ARHGAP6: variants seen among roughly 807,000 people sequenced by gnomAD.
ARHGAP6 encodes the protein Rho GTPase activating protein 6.
A neutral mutation model predicts 55.7 loss-of-function variants in ARHGAP6; 16 were observed. The observed-to-expected ratio is 0.29, with a 90% confidence interval of 0.19 to 0.44. The LOEUF is 0.44. ARHGAP6 is among the 20% of genes least tolerant of loss of function. The probability of loss-of-function intolerance (pLI) is 1.00; values close to 1 mark genes in which losing one functional copy is unlikely to be tolerated. For missense variants in ARHGAP6, 698 were observed against 808.9 expected, an observed-to-expected ratio of 0.86 and a Z score of 1.66; for synonymous variants, 382 against 360.9, an observed-to-expected ratio of 1.06 and a Z score of -0.66.
intron 1 of ARHGAP6, among the ~76,000 whole-genome samples, chrX:11,364,472 C>A (rs1206191048): frequency 1.8e-5 from 2 of 110,901 alleles, no homozygotes; most frequent in Admixed American, 1.9e-4. Context: ...CAGTGATTTC[C>A]CCTTCCCTCC....
chrX:11,315,625 A>G (rs1048313643), intron 1 of ARHGAP6, among the ~76,000 whole-genome samples: 3 of 112,053 alleles, frequency 2.7e-5, no homozygotes, highest in African/African-American at 9.7e-5. Flanking sequence ...AGATACCCAA[A>G]TTCCAGAATT....
intron 2 of ARHGAP6, among the ~76,000 whole-genome samples, chrX:11,241,711 A>G (rs886575744): frequency 9.0e-6 from 1 of 111,716 alleles, no homozygotes; most frequent in Non-Finnish European, 1.9e-5. Flanking sequence ...AGACAAAGGC[A>G]GATAGGAACA....
chrX:11,498,746 A>T (rs183345294), intron 1 of ARHGAP6, among the ~76,000 whole-genome samples: 2 of 110,972 alleles, frequency 1.8e-5, no homozygotes, highest in African/African-American at 6.5e-5. Context: ...AAGGGAATTT[A>T]AAAAAAAATA....
At chrX:11,491,564 T>C (rs915596122) in intron 1 of ARHGAP6, among the ~76,000 whole-genome samples, 1 of 112,282 alleles carries the variant, frequency 8.9e-6, no homozygotes, top group African/African-American at 3.2e-5. Flanking sequence ...TGTGGCTGCA[T>C]AGTATTCCAT....
At chrX:11,306,523 T>C (rs1214578533) in intron 1 of ARHGAP6, among the ~76,000 whole-genome samples, 1 of 112,577 alleles carries the variant, frequency 8.9e-6, no homozygotes, top group Non-Finnish European at 1.9e-5. Context: ...GCACATGACA[T>C]GTATTAGCTC....
At chrX:11,350,209 C>T (rs967407973) in intron 1 of ARHGAP6, among the ~76,000 whole-genome samples, 5 of 111,756 alleles carry the variant, frequency 4.5e-5, no homozygotes, top group African/African-American at 1.6e-4. Context: ...ATCCTGTATG[C>T]TCAGTTTCAC....
chrX:11,577,690 G>A (rs1215344242), intron 1 of ARHGAP6, among the ~76,000 whole-genome samples: 3 of 111,678 alleles, frequency 2.7e-5, no homozygotes, highest in Non-Finnish European at 5.6e-5. Flanking sequence ...AGAGCAACTA[G>A]AGGCCCAGAA....
intron 1 of ARHGAP6, among the ~76,000 whole-genome samples, chrX:11,271,637 G>A (rs1369432099): frequency 9.0e-6 from 1 of 111,706 alleles, no homozygotes; most frequent in Non-Finnish European, 1.9e-5. Flanking sequence ...TGTGGACAAT[G>A]AGCCTCTCGG....
At chrX:11,495,828 A>G (rs1332628505) in intron 1 of ARHGAP6, among the ~76,000 whole-genome samples, 1 of 112,581 alleles carries the variant, frequency 8.9e-6, no homozygotes, top group Non-Finnish European at 1.9e-5. Flanking sequence ...CAGAATTGTA[A>G]CTTTTGTCTT....
At chrX:11,411,183 T>TTTTATATATATA (rs1196355643) in intron 1 of ARHGAP6, among the ~76,000 whole-genome samples, 34 of 31,789 alleles carry the variant, frequency 1.1e-3, no homozygotes, top group African/African-American at 2.9e-3. Context: ...CAGACATTAT[T>TTTTATATATATA]TATATATATA....
At chrX:11,272,318 C>T (rs1421732504) in intron 1 of ARHGAP6, among the ~76,000 whole-genome samples, 1 of 111,377 alleles carries the variant, frequency 9.0e-6, no homozygotes, top group Non-Finnish European at 1.9e-5. Context: ...ATTTATAAAG[C>T]TTTCCCCAAA....
At chrX:11,475,006 A>G (rs2050389481) in intron 1 of ARHGAP6, among the ~76,000 whole-genome samples, 1 of 111,231 alleles carries the variant, frequency 9.0e-6, no homozygotes, top group Non-Finnish European at 1.9e-5. Flanking sequence ...TGCCAGTACC[A>G]TAGTACTTTT....
intron 1 of ARHGAP6, among the ~76,000 whole-genome samples, chrX:11,369,884 A>G (rs1051486189): frequency 8.9e-6 from 1 of 112,632 alleles, no homozygotes; most frequent in African/African-American, 3.2e-5. Flanking sequence ...TGCCTTAAAA[A>G]TGGACACTGG....
Position 11,437,039 on chromosome X carries a change from T to C in ARHGAP6, c.589-182332A>G, listed in dbSNP as rs1464030575. ...TGAATGACTTGTATGGCATGTGAAT[T>C]TTACCTCCATAAAGTAGAAGGAAGG... On this transcript the variant is annotated intron_variant, in intron 1 of 12. Coordinates refer to ENST00000337414, the MANE Select transcript of ARHGAP6 (RefSeq NM_013427.3). Among the ~76,000 whole-genome samples the C allele has an allele frequency of 2.7e-5, 3 of 110,459 alleles. No individual in the cohort carries two copies. The East Asian group carries it at 8.5e-4, about 31-fold the overall frequency.
At chrX:11,506,357 A>G (rs1477288733) in intron 1 of ARHGAP6, among the ~76,000 whole-genome samples, 1 of 110,596 alleles carries the variant, frequency 9.0e-6, no homozygotes, top group Non-Finnish European at 1.9e-5. Flanking sequence ...TATCACCTAC[A>G]TTAGGTATTT....
chrX:11,195,020 T>C (rs1722197735), intron 3 of ARHGAP6, among the ~76,000 whole-genome samples: 1 of 112,116 alleles, frequency 8.9e-6, no homozygotes, highest in Non-Finnish European at 1.9e-5. Flanking sequence ...AATAAATGCA[T>C]ACAACCATAC....
At chrX:11,403,172 A>C (rs1268413342) in intron 1 of ARHGAP6, among the ~76,000 whole-genome samples, 1 of 111,442 alleles carries the variant, frequency 9.0e-6, no homozygotes. Flanking sequence ...CATCCTGACT[A>C]TTTCAGTGTG....
intron 1 of ARHGAP6, among the ~76,000 whole-genome samples, chrX:11,601,819 C>G (rs900691906): frequency 4.5e-5 from 5 of 111,461 alleles, no homozygotes; most frequent in African/African-American, 1.3e-4. Flanking sequence ...GAGAAGATGC[C>G]CAGGGAGAGC....
chrX:11,649,691 C>T (rs1173199397), intron 1 of ARHGAP6, among the ~76,000 whole-genome samples: 1 of 111,786 alleles, frequency 8.9e-6, no homozygotes, highest in Non-Finnish European at 1.9e-5. Flanking sequence ...GTTTTAAAAA[C>T]TTGTATTTTC....
Sources: gnomAD v4.1 joint callset for allele counts (sites outside exome capture counted in the v4.1 genomes callset) on GRCh38, gnomAD v4.1.1 for gene constraint, MANE v1.5 for transcripts, NCBI Gene and HGNC (gene_info 2026-07-23, HGNC 2026-07-21) for gene names.